DBET: variants seen among roughly 807,000 people sequenced by gnomAD.
DBET encodes D4Z4 binding element transcript.
In DBET at chr4:190,064,963, C is replaced by T. The variant is rs748453611; in HGVS notation, n.462C>T. Reference sequence around the variant, plus strand: ...TATTTTCCTTGCTGTAACAGAGGAACATTTCCTGTCTTATGCTTATTCTAC... The same window carrying T: ...TATTTTCCTTGCTGTAACAGAGGAATATTTCCTGTCTTATGCTTATTCTAC... On this transcript the variant is annotated non_coding_transcript_exon_variant, in exon 1 of 1. Coordinates refer to ENST00000630918, the Ensembl canonical transcript of DBET. 278 of 307,288 alleles carry T rather than the reference C, an allele frequency of 9.0e-4. 42 individuals carry two copies. The highest frequency in any genetic ancestry group is 1.4e-3 in the Non-Finnish European group (243 of 168,506). 19.0% of individuals were successfully genotyped at this position (307,288 alleles called of 1,614,324 possible).
chr4:190,065,076 A>G (rs1740581354), exon 1 of DBET: 1 of 451,658 alleles, frequency 2.2e-6, no homozygotes, highest in Non-Finnish European at 3.9e-6. Flanking sequence ...GAATCTTGTG[A>G]GAACATAAAT....
In DBET at chr4:190,065,216, G is replaced by C; in HGVS notation, n.715G>C. The stretch of plus-strand genomic sequence containing the variant: ...AGAAGTGTGTGAGGGGAGATGGGGA[G>C]ACATTGGGATGCGCGCGCCTGGGGC... On this transcript the variant is annotated non_coding_transcript_exon_variant, in exon 1 of 1. Transcript: ENST00000630918. 3.4e-6 allele frequency: 2 copies of C among 581,468 alleles called. 1 individual carries two copies. Among genetic ancestry groups the C allele is most frequent in the Non-Finnish European group, 6.1e-6 (2 of 325,498 alleles). The allele number at this position is 581,468 out of a possible 1,614,324, so 36.0% of individuals were successfully genotyped here. A position where few individuals can be genotyped will look rare whatever the true frequency, so the allele number is the denominator to read the frequency against.
exon 1 of DBET, chr4:190,065,012 C>A: frequency 2.4e-6 from 1 of 413,408 alleles, no homozygotes. Flanking sequence ...AAGGCTTTTT[C>A]TCTCCCTCCC....
chr4:190,065,838 T>A lies in DBET; in HGVS notation n.1337T>A, dbSNP rs1579774036. ...CTAGAAACGGAGGCCCCGGGGGAGC[T>A]GGAGGCCTCGGAAGAGGCGCCTCGC... is the stretch of plus-strand genomic sequence containing the variant. On this transcript the variant is annotated non_coding_transcript_exon_variant, in exon 1 of 1. Coordinates refer to ENST00000630918, the Ensembl canonical transcript of DBET. 4 of 93,052 alleles carry A rather than the reference T, an allele frequency of 4.3e-5. 1 individual carries two copies. The highest frequency in any genetic ancestry group is 1.7e-4 in the South Asian group (4 of 24,040). The allele number at this position is 93,052 out of a possible 1,614,324, so 5.8% of individuals were successfully genotyped here. A position where few individuals can be genotyped will look rare whatever the true frequency, so the allele number is the denominator to read the frequency against.
Position 190,064,879 on chromosome 4 carries a change from T to G in DBET, n.378T>G, listed in dbSNP as rs578115681. 2.4e-5 allele frequency: 4 copies of G among 167,014 alleles called. No homozygotes were observed. The East Asian group carries it at 4.2e-4, about 18-fold the overall frequency. The allele number at this position is 167,014 out of a possible 1,614,324, so 10.3% of individuals were successfully genotyped here. A position where few individuals can be genotyped will look rare whatever the true frequency, so the allele number is the denominator to read the frequency against. On this transcript the variant is annotated non_coding_transcript_exon_variant, in exon 1 of 1. Transcript: ENST00000630918. ...TTAAACGTCACGGACAAGGCCAGAG[T>G]TTGAATATACTGTGGTCATCTCTGC...
chr4:190,064,817 G>GA lies in DBET; in HGVS notation n.325dup, dbSNP rs1304489136. 20 of 133,690 alleles carry GA rather than the reference G, an allele frequency of 1.5e-4. No homozygotes were observed. The East Asian group carries it at 2.0e-3, about 14-fold the overall frequency. 8.3% of individuals were successfully genotyped at this position (133,690 alleles called of 1,614,324 possible). A position where few individuals can be genotyped will look rare whatever the true frequency, so the allele number is the denominator to read the frequency against. ...GACTTCATCAAATTTCTGCACCAATGAAAAAAAAATTTACAAGAGAAAAAC... is the reference window on the plus strand; with the variant it reads ...GACTTCATCAAATTTCTGCACCAATGAAAAAAAAAATTTACAAGAGAAAAAC... On this transcript the variant is annotated non_coding_transcript_exon_variant, in exon 1 of 1. Transcript: ENST00000630918.
chr4:190,065,876 T>G (rs1579774205), exon 1 of DBET: 2 of 104,908 alleles, frequency 1.9e-5, no homozygotes, highest in Admixed American at 1.8e-4. Context: ...GAAGCACCCC[T>G]CAGCGAGGAA....
chr4:190,065,206 G>A (rs1461459479), exon 1 of DBET: 1 of 584,326 alleles, frequency 1.7e-6, no homozygotes, highest in South Asian at 1.7e-5. Flanking sequence ...TGTGTGAGGG[G>A]AGATGGGGAG....
exon 1 of DBET, chr4:190,064,687 T>C (rs1740566809): frequency 7.5e-6 from 1 of 132,996 alleles, no homozygotes; most frequent in Non-Finnish European, 1.6e-5. Context: ...TATTCTACTG[T>C]TTTAATTCTC....
rs1553971422 is a variant in DBET at position 190,065,049 on chromosome 4, C to A, written n.548C>A. The A allele has an allele frequency of 5.0e-5, 22 of 436,192 alleles. 2 individuals carry two copies. In the East Asian group the frequency reaches 7.4e-4, roughly 15 times the overall value. The allele number at this position is 436,192 out of a possible 1,614,324, so 27.0% of individuals were successfully genotyped here. ...GAATCTTAAAGTGCATTCGAACTCACAGGCAAAATCCTCCCAGAATCTTGT... is the reference window on the plus strand; with the variant it reads ...GAATCTTAAAGTGCATTCGAACTCAAAGGCAAAATCCTCCCAGAATCTTGT... On this transcript the variant is annotated non_coding_transcript_exon_variant, in exon 1 of 1. Coordinates refer to ENST00000630918, the Ensembl canonical transcript of DBET.
In DBET at chr4:190,065,130, T is replaced by G; in HGVS notation, n.629T>G. On this transcript the variant is annotated non_coding_transcript_exon_variant, in exon 1 of 1. Transcript: ENST00000630918. Reference sequence around the variant, plus strand: ...TTGCTTTTGGGGATCTGGGAAAATCTGTGCACACTTCTGGAGACCCTTGTC... The same window carrying G: ...TTGCTTTTGGGGATCTGGGAAAATCGGTGCACACTTCTGGAGACCCTTGTC... 5 of 464,640 alleles carry G rather than the reference T, an allele frequency of 1.1e-5. 1 individual carries two copies. Among genetic ancestry groups the G allele is most frequent in the South Asian group, 5.0e-5 (2 of 40,318 alleles). 28.8% of individuals were successfully genotyped at this position (464,640 alleles called of 1,614,324 possible).
At chr4:190,065,094 C>T (rs79640555) in exon 1 of DBET, 8 of 462,962 alleles carry the variant, frequency 1.7e-5, no homozygotes, top group Non-Finnish European at 3.0e-5. Flanking sequence ...AATGATCTGA[C>T]TAGTTTGGCA....
exon 1 of DBET, chr4:190,065,023 A>T: frequency 4.8e-6 from 2 of 420,900 alleles, no homozygotes; most frequent in Non-Finnish European, 8.4e-6. Context: ...TCTCCCTCCC[A>T]GAATCTTAAA....
chr4:190,065,036 G>C, exon 1 of DBET: 1 of 432,554 alleles, frequency 2.3e-6, no homozygotes, highest in African/African-American at 2.8e-5. Flanking sequence ...ATCTTAAAGT[G>C]CATTCGAACT....
exon 1 of DBET, chr4:190,065,139 T>A: frequency 2.1e-6 from 1 of 478,976 alleles, no homozygotes; most frequent in Admixed American, 4.1e-5. Context: ...CTGTGCACAC[T>A]TCTGGAGACC....
At chr4:190,067,486 C>CCAA (rs1740717639) in exon 1 of DBET, 1 of 26,484 alleles carries the variant, frequency 3.8e-5, no homozygotes, top group African/African-American at 1.6e-4. Flanking sequence ...GCTGCCGACG[C>CCAA]GTGGGAGCCC....
exon 1 of DBET, chr4:190,067,644 C>CA: frequency 7.8e-6 from 1 of 127,506 alleles, no homozygotes. Context: ...CCCTCCCCCC[C>CA]CCCCCCCCCC....
At chr4:190,066,820 GC>G (rs1740679338) in exon 1 of DBET, 1 of 53,724 alleles carries the variant, frequency 1.9e-5, no homozygotes, top group Non-Finnish European at 6.8e-5. Flanking sequence ...CGCCGCGCCG[GC>G]CGGCGGGGCA....
In DBET at chr4:190,065,039, T is replaced by A. The variant is rs1398196276; in HGVS notation, n.538T>A. ...CTCCCTCCCAGAATCTTAAAGTGCA[T>A]TCGAACTCACAGGCAAAATCCTCCC... On this transcript the variant is annotated non_coding_transcript_exon_variant, in exon 1 of 1. Coordinates refer to ENST00000630918, the Ensembl canonical transcript of DBET. 4 of 430,694 alleles carry A rather than the reference T, an allele frequency of 9.3e-6. 1 individual carries two copies. The African/African-American group carries it at 1.1e-4, about 12-fold the overall frequency. 26.7% of individuals were successfully genotyped at this position (430,694 alleles called of 1,614,324 possible).
Sources: gnomAD v4.1 joint callset for allele counts on GRCh38, gnomAD v4.1.1 for gene constraint, MANE v1.5 for transcripts, NCBI Gene and HGNC (gene_info 2026-07-23, HGNC 2026-07-21) for gene names.